Variants in ZAP70 observed in about 807,000 individuals in gnomAD.
The protein encoded by ZAP70 is zeta chain of T cell receptor associated protein kinase 70, also known as tyrosine-protein kinase ZAP-70.
A neutral mutation model predicts 65.8 loss-of-function variants in ZAP70; 27 were observed. That is an observed-to-expected ratio of 0.41 (90% CI 0.30 to 0.57). ZAP70 has a LOEUF of 0.57. ZAP70 is among the 20% of genes least tolerant of loss of function. The probability of loss-of-function intolerance (pLI) is 0.28; values close to 1 mark genes in which losing one functional copy is unlikely to be tolerated. For synonymous variants in ZAP70, 363 were observed against 360.8 expected (o/e 1.01, Z -0.07); for missense variants, 696 against 870.5 (o/e 0.80, Z 2.52).
chr2:97,743,481 A>G (rs1573297063), downstream of ZAP70, among the ~76,000 whole-genome samples: 1 of 152,012 alleles, frequency 6.6e-6, no homozygotes, highest in South Asian at 2.1e-4. Flanking sequence ...GACTACAGGC[A>G]CCCGCCACCA....
At chr2:97,734,835 T>C in intron 9 of ZAP70, 123 bp downstream of exon 9, 1 of 1,349,918 alleles carries the variant, frequency 7.4e-7, no homozygotes. Flanking sequence ...AAACAGACTC[T>C]GGGGCAGGAC....
At chr2:97,754,235 T>A in the ZAP70 span, among the ~76,000 whole-genome samples, 43,080 of 151,946 alleles carry the variant, frequency 0.28, 7,818 homozygotes, top group Non-Finnish European at 0.38. Flanking sequence ...TTCTCCCAAG[T>A]ACACAGTGTT....
At chr2:97,747,064 G>C in the ZAP70 span, among the ~76,000 whole-genome samples, 1 of 152,214 alleles carries the variant, frequency 6.6e-6, no homozygotes, top group Non-Finnish European at 1.5e-5. Flanking sequence ...AAAAACAACT[G>C]TGGGAGTGGA....
chr2:97,755,839 A>G, the ZAP70 span, among the ~76,000 whole-genome samples: 1 of 152,212 alleles, frequency 6.6e-6, no homozygotes, highest in Non-Finnish European at 1.5e-5. Context: ...TAGAACATGC[A>G]GTGGTGAGTT....
At chr2:97,719,561 G>C (rs78929477) in intron 2 of ZAP70, among the ~76,000 whole-genome samples, 378 of 149,296 alleles carry the variant, frequency 2.5e-3, no homozygotes, top group Admixed American at 7.0e-3. Context: ...CCTGGGGGGG[G>C]GGCGCAGACC....
rs199994054 is a variant in ZAP70 at position 97,737,606 on chromosome 2, G to A, written c.1423G>A (p.Ala475Thr). The A allele has an allele frequency of 5.6e-6, 9 of 1,613,986 alleles. No individual in the cohort carries two copies. The highest frequency in any genetic ancestry group is 3.3e-5 in the South Asian group (3 of 91,090). Reference sequence around the variant, plus strand: ...CGTCCTGCTGGTTAACCGGCACTACGCCAAGATCAGCGACTTTGGCCTCTC... The same window carrying A: ...CGTCCTGCTGGTTAACCGGCACTACACCAAGATCAGCGACTTTGGCCTCTC... ...RNVLLVNRHY[A>T]KISDFGLSKA... The change falls in exon 11 of 14, where the codon GCC (alanine) becomes ACC (threonine). Residue 475 changes from alanine to threonine, a missense_variant. This residue lies in a region of ZAP70 where 67 missense variants were observed against 151.9 expected (regional missense o/e 0.44). Transcript: ENST00000264972. The surrounding 1 kb of genome is among the most constrained non-coding windows in gnomAD (Gnocchi z 5.0).
chr2:97,750,864 T>C, the ZAP70 span, among the ~76,000 whole-genome samples: 1 of 152,212 alleles, frequency 6.6e-6, no homozygotes, highest in Admixed American at 6.5e-5. Flanking sequence ...GATTAGTCGG[T>C]TGGACTTTCA....
downstream of ZAP70, among the ~76,000 whole-genome samples, chr2:97,740,569 T>G (rs1678103042): frequency 6.6e-6 from 1 of 152,200 alleles, no homozygotes; most frequent in Non-Finnish European, 1.5e-5. Context: ...TAATCTTATT[T>G]TATAAGAAGG....
At chr2:97,721,580 ATTTTTTTTTT>A (rs796509420) in intron 2 of ZAP70, among the ~76,000 whole-genome samples, 3 of 81,164 alleles carry the variant, frequency 3.7e-5, no homozygotes, top group African/African-American at 4.6e-5. Context: ...TGGCTGGCTG[ATTTTTTTTTT>A]TTTTTTTTTT....
intron 4 of ZAP70, 28 bp downstream of exon 4, chr2:97,725,280 G>A: frequency 1.2e-6 from 2 of 1,609,546 alleles, no homozygotes. Flanking sequence ...TTTGGGTGCG[G>A]TGAGGATTGG....
chr2:97,749,364 T>A, the ZAP70 span, among the ~76,000 whole-genome samples: 1 of 152,180 alleles, frequency 6.6e-6, no homozygotes, highest in Non-Finnish European at 1.5e-5. Flanking sequence ...GTGCGCTGTC[T>A]GTGTGGGAAA....
chr2:97,744,578 G>A (rs1194326965), downstream of ZAP70, among the ~76,000 whole-genome samples: 1 of 152,204 alleles, frequency 6.6e-6, no homozygotes, highest in Non-Finnish European at 1.5e-5. Flanking sequence ...AAAGCAAACT[G>A]GGGATGGGGC....
At position 97,715,162 on chromosome 2, in the gene ZAP70, C is replaced by T. The variant is rs1259120935; in HGVS notation, c.-22+1168C>T. 6.6e-6 allele frequency among the ~76,000 whole-genome samples: 1 copy of T among 152,188 alleles called. No individual in the cohort carries two copies. Among genetic ancestry groups the T allele is most frequent in the Non-Finnish European group, 1.5e-5 (1 of 68,034 alleles). On this transcript the variant is annotated intron_variant, in intron 2 of 13. Coordinates refer to ENST00000264972, the MANE Select transcript of ZAP70 (RefSeq NM_001079.4). This position sits in a 1 kb window ranked among gnomAD's most constrained non-coding sequence, Gnocchi z 4.1. ...CGGGGCTGCAGCACCCAGACCACCCCGTGCTGACCACTCCCTGCCCCACCC... is the reference window on the plus strand; with the variant it reads ...CGGGGCTGCAGCACCCAGACCACCCTGTGCTGACCACTCCCTGCCCCACCC...
In ZAP70 at chr2:97,733,226, G is replaced by A. The variant is rs754023614; in HGVS notation, c.790+14G>A. 1 of 1,611,592 alleles carries A rather than the reference G, an allele frequency of 6.2e-7. No individual in the cohort carries two copies. The highest frequency in any genetic ancestry group is 8.5e-7 in the Non-Finnish European group (1 of 1,178,944). On this transcript the variant is annotated intron_variant, in intron 6 of 13. Coordinates refer to ENST00000264972, the MANE Select transcript of ZAP70 (RefSeq NM_001079.4). Reference sequence around the variant, plus strand: ...GCAACGCCTCAGGTGACGGCAGCAGGCGGGCGGGCGGTGGGCGGGGGCGGC... The same window carrying A: ...GCAACGCCTCAGGTGACGGCAGCAGACGGGCGGGCGGTGGGCGGGGGCGGC...
At position 97,715,301 on chromosome 2, in the gene ZAP70, T is replaced by C. The variant is rs961052580; in HGVS notation, c.-22+1307T>C. Among the ~76,000 whole-genome samples the C allele has an allele frequency of 6.6e-6, 1 of 152,188 alleles. No individual in the cohort carries two copies. The highest frequency in any genetic ancestry group is 2.4e-5 in the African/African-American group (1 of 41,446). ...GTTTGGGTTGTGACCCAGCGGGTGT[T>C]ACTGGCATCCAGCATGTCCAGGACA... On this transcript the variant is annotated intron_variant, in intron 2 of 13. Coordinates refer to ENST00000264972, the MANE Select transcript of ZAP70 (RefSeq NM_001079.4). The surrounding 1 kb of genome is among the most constrained non-coding windows in gnomAD (Gnocchi z 4.1).
intron 3 of ZAP70, 107 bp from the exon 4 acceptor site, chr2:97,724,985 G>A: frequency 6.4e-7 from 1 of 1,562,084 alleles, no homozygotes; most frequent in Non-Finnish European, 8.6e-7. Flanking sequence ...ACGCGCTAGG[G>A]ACGCCTGGGT....
the ZAP70 span, among the ~76,000 whole-genome samples, chr2:97,751,526 T>A: frequency 6.6e-6 from 1 of 152,190 alleles, no homozygotes; most frequent in African/African-American, 2.4e-5. Flanking sequence ...TTAAAAAAAT[T>A]CCATTAGTTC....
rs568379410 is a variant in ZAP70, at chr2:97,729,559, C to CTTTTG, written c.564-3310_564-3306dup. ...ATATCTTAATAAATAAATTGTAGCC[C>CTTTTG]TTTTGTTTTGTTTTGTTTACAATCG... On this transcript the variant is annotated intron_variant, in intron 4 of 13. Coordinates refer to ENST00000264972, the MANE Select transcript of ZAP70 (RefSeq NM_001079.4). Among the ~76,000 whole-genome samples, 379 of 152,238 alleles carry CTTTTG rather than the reference C, an allele frequency of 2.5e-3. 1 individual carries two copies. Among genetic ancestry groups the CTTTTG allele is most frequent in the Non-Finnish European group, 3.4e-3 (234 of 68,016 alleles).
In ZAP70 at chr2:97,735,443, C is replaced by T. The variant is rs1428788213; in HGVS notation, c.1276C>T (p.Leu426=). 1 of 1,611,636 alleles carries T rather than the reference C, an allele frequency of 6.2e-7. No homozygotes were observed. Among genetic ancestry groups the T allele is most frequent in the Non-Finnish European group, 8.5e-7 (1 of 1,178,420 alleles). Residue 426 remains leucine, a synonymous_variant, in exon 10 of 14, where the codon CTG becomes TTG. Coordinates refer to ENST00000264972, the MANE Select transcript of ZAP70 (RefSeq NM_001079.4). ...TGGGGGCGGGCCGCTGCACAAGTTC[C>T]TGGTCGGCAAGAGGTGAGCACCGGG... ...MAGGGPLHKF[L]VGKREEIPVS...
Sources: gnomAD v4.1 joint callset for allele counts (sites outside exome capture counted in the v4.1 genomes callset) on GRCh38, gnomAD v4.1.1 for gene constraint, gnomAD v4.1.1 regional missense constraint, Gnocchi (gnomAD v3.1) non-coding constraint, MANE v1.5 for transcripts, NCBI Gene and HGNC (gene_info 2026-07-23, HGNC 2026-07-21) for gene names.